SCML4: variants seen among roughly 807,000 people sequenced by gnomAD.
SCML4 encodes Scm polycomb group protein like 4, also known as sex comb on midleg-like protein 4.
In SCML4, 34 loss-of-function variants were observed where a neutral mutation model predicts 41.1. That is an observed-to-expected ratio of 0.83 (90% CI 0.63 to 1.10). The LOEUF is 1.10. Among genes scored for constraint, SCML4 ranks in the 50% least tolerant of loss-of-function variants. The pLI, the probability that SCML4 is intolerant of heterozygous loss-of-function variation, is 0.00. For synonymous variants in SCML4, 214 were observed against 220.9 expected (o/e 0.97, Z 0.28); for missense variants, 522 against 534.1 (o/e 0.98, Z 0.22).
At chr6:107,811,207 ACCCAGTCTG>A (rs1054215645) in intron 1 of SCML4, among the ~76,000 whole-genome samples, 1 of 152,200 alleles carries the variant, frequency 6.6e-6, no homozygotes, top group African/African-American at 2.4e-5. Flanking sequence ...TGTGTAAGCC[ACCCAGTCTG>A]CAGGATTTTG....
chr6:107,839,337 G>A, the SCML4 span, among the ~76,000 whole-genome samples: 1 of 13,070 alleles, frequency 7.7e-5, no homozygotes, highest in Non-Finnish European at 2.4e-4. Context: ...GAAAGAGAGA[G>A]AGAAAAAGAA....
the SCML4 span, among the ~76,000 whole-genome samples, chr6:107,843,584 A>G: frequency 0.98 from 149,301 of 152,252 alleles, 73,273 homozygotes; most frequent in Middle Eastern, 1. Flanking sequence ...TCCGTCACCC[A>G]CCCACATCTT....
intron 1 of SCML4, among the ~76,000 whole-genome samples, chr6:107,797,953 A>G (rs1782832188): frequency 6.6e-6 from 1 of 152,064 alleles, no homozygotes; most frequent in Non-Finnish European, 1.5e-5. Context: ...ACAAGCTTGC[A>G]TTCCTGAAGT....
intron 1 of SCML4, among the ~76,000 whole-genome samples, chr6:107,801,271 G>C (rs1783099618): frequency 6.6e-6 from 1 of 152,138 alleles, no homozygotes; most frequent in Admixed American, 6.5e-5. Flanking sequence ...CACTCTCACT[G>C]TTCTCCAGAC....
chr6:107,753,128 A>G lies in SCML4; in HGVS notation c.157-3315T>C, dbSNP rs11967526. Among the ~76,000 whole-genome samples the G allele has an allele frequency of 2.9e-3, 436 of 152,326 alleles. 3 individuals are homozygous for G. Among genetic ancestry groups the G allele is most frequent in the African/African-American group, 0.01 (425 of 41,570 alleles). ...TCTGGTAGCTGTTAAGATAGATACT[A>G]TTAAAAAATACAAAACAAAAAATAA... On this transcript the variant is annotated intron_variant, in intron 2 of 7. Coordinates refer to ENST00000369020, the MANE Select transcript of SCML4 (RefSeq NM_198081.5).
At chr6:107,796,624 T>A (rs933879030) in intron 1 of SCML4, among the ~76,000 whole-genome samples, 9 of 152,174 alleles carry the variant, frequency 5.9e-5, no homozygotes, top group South Asian at 2.1e-4. Context: ...AGTCTTTTAA[T>A]AAGCAAAAGT....
the SCML4 span, among the ~76,000 whole-genome samples, chr6:107,845,084 A>G: frequency 2.6e-5 from 4 of 152,060 alleles, no homozygotes; most frequent in African/African-American, 9.7e-5. Context: ...AAAAGTACAA[A>G]AAATTAGCCG....
At chr6:107,781,905 A>G (rs538873655) in intron 1 of SCML4, among the ~76,000 whole-genome samples, 30 of 152,302 alleles carry the variant, frequency 2.0e-4, no homozygotes, top group Non-Finnish European at 4.0e-4. Context: ...GGAGCTCCTC[A>G]GGTCCTAGTA....
At chr6:107,831,779 C>A in the SCML4 span, among the ~76,000 whole-genome samples, 3 of 152,008 alleles carry the variant, frequency 2.0e-5, no homozygotes, top group Non-Finnish European at 4.4e-5. Context: ...TTAGTCCAGG[C>A]GAGGTGGCTC....
intron 5 of SCML4, among the ~76,000 whole-genome samples, chr6:107,744,443 C>T (rs1476047978): frequency 2.0e-5 from 3 of 152,208 alleles, no homozygotes; most frequent in East Asian, 3.9e-4. Context: ...AATATATGGC[C>T]CCGTCAAATC....
chr6:107,809,189 G>A lies in SCML4; in HGVS notation c.-60+14937C>T, dbSNP rs77397520. Among the ~76,000 whole-genome samples, 645 of 152,266 alleles carry A rather than the reference G, an allele frequency of 4.2e-3. 5 individuals carry two copies. The highest frequency in any genetic ancestry group is 0.015 in the African/African-American group (616 of 41,532). On this transcript the variant is annotated intron_variant, in intron 1 of 7. Transcript: ENST00000369020. The stretch of plus-strand genomic sequence containing the variant: ...CCCCTCTAGAGGATGCAGCAACAAG[G>A]CACTGTCTTGTAAGCAGACAGCAGC...
chr6:107,749,970 A>G (rs915957188), intron 2 of SCML4, among the ~76,000 whole-genome samples, 157 bp from the exon 3 acceptor site: 11 of 151,718 alleles, frequency 7.3e-5, no homozygotes, highest in African/African-American at 2.4e-4. Context: ...ATTCAAGTTC[A>G]TGCTCAGGAT....
chr6:107,712,877 A>G (rs1774365071), intron 6 of SCML4, among the ~76,000 whole-genome samples: 2 of 152,222 alleles, frequency 1.3e-5, no homozygotes, highest in South Asian at 2.1e-4. Context: ...ACAGTAAGAC[A>G]TGATGGATGT....
At chr6:107,843,165 C>A in the SCML4 span, among the ~76,000 whole-genome samples, 1 of 151,964 alleles carries the variant, frequency 6.6e-6, no homozygotes, top group African/African-American at 2.4e-5. Context: ...ATGACAGATA[C>A]CAAACCACAG....
the SCML4 span, among the ~76,000 whole-genome samples, chr6:107,841,580 C>T: frequency 6.6e-6 from 1 of 152,214 alleles, no homozygotes; most frequent in Non-Finnish European, 1.5e-5. Flanking sequence ...CCTCTGCATG[C>T]TTTCGTTCCC....
intron 1 of SCML4, among the ~76,000 whole-genome samples, chr6:107,774,295 G>A (rs1289490027): frequency 6.6e-6 from 1 of 151,448 alleles, no homozygotes; most frequent in Non-Finnish European, 1.5e-5. Context: ...AATTCCATAG[G>A]GAGCATTTTT....
chr6:107,800,722 T>A (rs1315098205), intron 1 of SCML4, among the ~76,000 whole-genome samples: 4 of 152,240 alleles, frequency 2.6e-5, no homozygotes, highest in Non-Finnish European at 4.4e-5. Context: ...CTACAGACAT[T>A]ACTTCTTTGC....
intron 2 of SCML4, among the ~76,000 whole-genome samples, chr6:107,766,702 C>G (rs1412969257): frequency 6.6e-6 from 1 of 152,216 alleles, no homozygotes; most frequent in African/African-American, 2.4e-5. Flanking sequence ...ACCCCTGACC[C>G]CTGTTCCAGC....
At chr6:107,790,621 G>C (rs139962304) in intron 1 of SCML4, among the ~76,000 whole-genome samples, 1 of 152,114 alleles carries the variant, frequency 6.6e-6, no homozygotes, top group South Asian at 2.1e-4. Flanking sequence ...TTTATTGGAC[G>C]CTTACTAAAT....
Sources: allele counts gnomAD v4.1 joint callset (sites outside exome capture counted in the v4.1 genomes callset), GRCh38; gene constraint gnomAD v4.1.1; transcripts MANE v1.5; gene names NCBI Gene and HGNC (gene_info 2026-07-23, HGNC 2026-07-21).